Variants in RPTOR observed in about 807,000 individuals in gnomAD.
RPTOR encodes regulatory associated protein of MTOR complex 1.
A neutral mutation model predicts 169.9 loss-of-function variants in RPTOR; 21 were observed. The ratio of observed to expected loss-of-function variants is 0.12; its 90% confidence interval spans 0.09 to 0.18. The LOEUF (loss-of-function observed/expected upper bound fraction) is 0.18. RPTOR is among the 10% of genes least tolerant of loss of function. RPTOR has a pLI of 1.00. For synonymous variants in RPTOR, 732 were observed against 753.2 expected, an observed-to-expected ratio of 0.97 and a Z score of 0.46; for missense variants, 1,133 against 1,855.9, an observed-to-expected ratio of 0.61 and a Z score of 7.16.
intron 13 of RPTOR, among the ~76,000 whole-genome samples, chr17:80,875,631 C>T (rs533852692): frequency 2.6e-5 from 4 of 152,344 alleles, no homozygotes; most frequent in Admixed American, 6.5e-5. Flanking sequence ...CTGCCGGCAC[C>T]GTGCTGTTCA....
intron 1 of RPTOR, among the ~76,000 whole-genome samples, chr17:80,574,086 G>A (rs906816709): frequency 6.6e-6 from 1 of 151,804 alleles, no homozygotes; most frequent in East Asian, 1.9e-4. Flanking sequence ...CATGTAATCC[G>A]AAAGTGTTGT....
In RPTOR at chr17:80,772,782, A is replaced by G. The variant is rs535163502; in HGVS notation, c.830+18597A>G. On this transcript the variant is annotated intron_variant, in intron 6 of 33. Transcript: ENST00000306801. Reference sequence around the variant, plus strand: ...AATTTTCATTATGTACCAGGTACATATTAAGACTTTTTGTTTCTTTTAATC... The same window carrying G: ...AATTTTCATTATGTACCAGGTACATGTTAAGACTTTTTGTTTCTTTTAATC... Among the ~76,000 whole-genome samples, 56 of 152,244 alleles carry G rather than the reference A, an allele frequency of 3.7e-4. No individual in the cohort carries two copies. In the South Asian group the frequency reaches 5.4e-3, roughly 15 times the overall value.
intron 1 of RPTOR, among the ~76,000 whole-genome samples, chr17:80,608,944 G>A (rs933023972): frequency 6.6e-6 from 1 of 152,228 alleles, no homozygotes; most frequent in Non-Finnish European, 1.5e-5. Flanking sequence ...CTGACCCAAT[G>A]TGAGAGTCGG....
chr17:80,949,554 C>T lies in RPTOR; in HGVS notation c.3370+7C>T. On this transcript the variant is annotated splice_region_variant and intron_variant, in intron 28 of 33. Coordinates refer to ENST00000306801, the MANE Select transcript of RPTOR (RefSeq NM_020761.3). ...ATGCTGCCAACGACGCGAGGTGGGT[C>T]CGCCCGGCTCCTCCCCAGAGCAGAA... The T allele has an allele frequency of 1.9e-6, 3 of 1,609,922 alleles. No individual in the cohort carries two copies. The highest frequency in any genetic ancestry group is 2.5e-6 in the Non-Finnish European group (3 of 1,176,776).
intron 1 of RPTOR, among the ~76,000 whole-genome samples, chr17:80,596,155 A>G (rs1293453745): frequency 6.6e-6 from 1 of 150,826 alleles, no homozygotes; most frequent in African/African-American, 2.4e-5. Context: ...TCTATGATTA[A>G]TATTTACATT....
rs1467604056 is a variant in RPTOR at position 80,897,147 on chromosome 17, G to A, written c.2401+3282G>A. Among the ~76,000 whole-genome samples the A allele has an allele frequency of 2.0e-5, 3 of 151,840 alleles. No individual in the cohort carries two copies. In the East Asian group the frequency reaches 5.8e-4, roughly 29 times the overall value. On this transcript the variant is annotated intron_variant, in intron 20 of 33. Coordinates refer to ENST00000306801, the MANE Select transcript of RPTOR (RefSeq NM_020761.3). ...GTGGTGGTGCGCACCTGTAGTCCCA[G>A]CTACTGGAGGAGAATCACTTGAACC...
chr17:80,847,414 G>C (rs1598350595), intron 11 of RPTOR, among the ~76,000 whole-genome samples: 1 of 152,260 alleles, frequency 6.6e-6, no homozygotes. Context: ...ATGTGTGTTT[G>C]TGGGGAAGTG....
At chr17:80,770,428 G>A (rs57396399) in intron 6 of RPTOR, among the ~76,000 whole-genome samples, 24,236 of 152,070 alleles carry the variant, frequency 0.16, 2,438 homozygotes, top group Non-Finnish European at 0.22. Flanking sequence ...CGTGGTCCGG[G>A]CTCTCCTGAG....
intron 20 of RPTOR, among the ~76,000 whole-genome samples, chr17:80,897,247 C>CAAAAAA (rs5822374): frequency 6.8e-6 from 1 of 146,358 alleles, no homozygotes. Flanking sequence ...GACTCCATCT[C>CAAAAAA]AAAAAAAAAA....
At chr17:80,556,368 G>A (rs927628927) in intron 1 of RPTOR, among the ~76,000 whole-genome samples, 7 of 152,048 alleles carry the variant, frequency 4.6e-5, no homozygotes, top group African/African-American at 1.7e-4. Flanking sequence ...AAAATAAGCC[G>A]GACATGGTGG....
intron 3 of RPTOR, among the ~76,000 whole-genome samples, chr17:80,700,728 T>A (rs2066088735): frequency 1.2e-5 from 1 of 84,120 alleles, no homozygotes. Flanking sequence ...GTGGTGGTGG[T>A]GATGATGGTG....
At chr17:80,822,641 T>C (rs1357123135) in intron 8 of RPTOR, among the ~76,000 whole-genome samples, 1 of 152,252 alleles carries the variant, frequency 6.6e-6, no homozygotes, top group Non-Finnish European at 1.5e-5. Flanking sequence ...TAAGACTTGT[T>C]TGTATTTTTT....
At chr17:80,826,810 A>T (rs889774156) in intron 9 of RPTOR, among the ~76,000 whole-genome samples, 2 of 152,348 alleles carry the variant, frequency 1.3e-5, no homozygotes, top group Admixed American at 6.5e-5. Flanking sequence ...TGTGGGCTCC[A>T]CCAGCCACAC....
chr17:80,860,918 T>C lies in RPTOR; in HGVS notation c.1509+3018T>C, dbSNP rs77323097. Among the ~76,000 whole-genome samples, 254 of 145,738 alleles carry C rather than the reference T, an allele frequency of 1.7e-3. 29 individuals are homozygous for C. In the East Asian group the frequency reaches 0.041, roughly 24 times the overall value. ...ATTTCCTGAGCTGGATGCGGGGAGC[T>C]GCTGCTCTTCCTCTCAGCACAGCTG... On this transcript the variant is annotated intron_variant, in intron 13 of 33. Transcript: ENST00000306801. The surrounding 1 kb of genome is among the most constrained non-coding windows in gnomAD (Gnocchi z 5.8).
intron 17 of RPTOR, among the ~76,000 whole-genome samples, chr17:80,887,908 C>A (rs2068268655): frequency 1.3e-5 from 2 of 152,092 alleles, no homozygotes; most frequent in Non-Finnish European, 1.5e-5. Context: ...AGTACAAAAC[C>A]TGCAGTCAGC....
intron 21 of RPTOR, among the ~76,000 whole-genome samples, chr17:80,913,696 A>G (rs73355842): frequency 0.025 from 3,825 of 152,050 alleles, 104 homozygotes; most frequent in African/African-American, 0.066. Context: ...CAAGTGATTC[A>G]CCCACATTTC....
rs17848702 is a variant in RPTOR at position 80,893,646 on chromosome 17, A to G, written c.2243-61A>G. The G allele has an allele frequency of 1.7e-3, 2,616 of 1,544,486 alleles. 35 individuals carry two copies. The Admixed American group carries it at 0.031, about 18-fold the overall frequency. ...AATATGTATCTCAGTCATGCCATTA[A>G]CTGTAAGACCAAAAGGAGGGTCCCG... On this transcript the variant is annotated intron_variant, in intron 19 of 33. Transcript: ENST00000306801.
chr17:80,790,315 C>T (rs1215973727), intron 6 of RPTOR, among the ~76,000 whole-genome samples: 1 of 152,232 alleles, frequency 6.6e-6, no homozygotes, highest in South Asian at 2.1e-4. Flanking sequence ...AATATAACTT[C>T]CTCTCTGCTG....
At position 80,562,954 on chromosome 17, in the gene RPTOR, G is replaced by A. The variant is rs1339267516; in HGVS notation, c.162+17163G>A. 6.6e-6 allele frequency among the ~76,000 whole-genome samples: 1 copy of A among 152,210 alleles called. No individual in the cohort carries two copies. Among genetic ancestry groups the A allele is most frequent in the Non-Finnish European group, 1.5e-5 (1 of 68,042 alleles). On this transcript the variant is annotated intron_variant, in intron 1 of 33. Transcript: ENST00000306801. This position sits in a 1 kb window ranked among gnomAD's most constrained non-coding sequence, Gnocchi z 4.4. ...GACCGTCGCCTGCCTTGCTGCCGAT[G>A]TCCTGAAGATGCTTCATGTTGGCAC...
Sources: gnomAD v4.1 joint callset for allele counts (sites outside exome capture counted in the v4.1 genomes callset) on GRCh38, gnomAD v4.1.1 for gene constraint, Gnocchi (gnomAD v3.1) non-coding constraint, MANE v1.5 for transcripts, NCBI Gene and HGNC (gene_info 2026-07-23, HGNC 2026-07-21) for gene names.